MAST2: variants seen among roughly 807,000 people sequenced by gnomAD.
MAST2 encodes the protein microtubule associated serine/threonine kinase 2, also known as microtubule-associated serine/threonine-protein kinase 2.
In MAST2, 70 loss-of-function variants were observed where a neutral mutation model predicts 147.4. The ratio of observed to expected loss-of-function variants is 0.47; its 90% CI spans 0.39 to 0.58. The LOEUF is 0.58. Ranked by LOEUF, MAST2 falls within the 20% of genes least tolerant of loss-of-function variation. The pLI is 0.00. For missense variants in MAST2, 2,080 were observed against 2,302.3 expected, an observed-to-expected ratio of 0.90 and a Z score of 1.98; for synonymous variants, 869 against 896.8, an observed-to-expected ratio of 0.97 and a Z score of 0.55.
At chr1:45,837,717 T>G (rs1307039904) in intron 3 of MAST2, among the ~76,000 whole-genome samples, 1 of 152,244 alleles carries the variant, frequency 6.6e-6, no homozygotes, top group Non-Finnish European at 1.5e-5. Flanking sequence ...TTTTCTAAAG[T>G]GGCTATACCA....
chr1:45,933,883 C>G (rs1343857276), intron 4 of MAST2, among the ~76,000 whole-genome samples: 1 of 150,386 alleles, frequency 6.6e-6, no homozygotes, highest in Non-Finnish European at 1.5e-5. Context: ...TTGTATCCTT[C>G]TACTTTAATG....
chr1:45,845,528 T>A (rs1365311017), intron 3 of MAST2, among the ~76,000 whole-genome samples: 3 of 152,200 alleles, frequency 2.0e-5, no homozygotes, highest in Non-Finnish European at 4.4e-5. Flanking sequence ...TTAAGGATAC[T>A]TGTATTTAAC....
Position 45,932,899 on chromosome 1 carries a change from A to G in MAST2, c.501-26487A>G, listed in dbSNP as rs1380417262. Reference sequence around the variant, plus strand: ...GATATTCCTGGCTGGCTTATTTTGTACCCTCACTAGCCCTTGAGCTTTTTC... The same window carrying G: ...GATATTCCTGGCTGGCTTATTTTGTGCCCTCACTAGCCCTTGAGCTTTTTC... On this transcript the variant is annotated intron_variant, in intron 4 of 28. Transcript: ENST00000361297. Among the ~76,000 whole-genome samples, 3 of 151,832 alleles carry G rather than the reference A, an allele frequency of 2.0e-5. No individual in the cohort carries two copies. The East Asian group carries it at 5.8e-4, about 29-fold the overall frequency.
intron 1 of MAST2, among the ~76,000 whole-genome samples, chr1:45,820,652 A>G (rs1454240543): frequency 6.6e-6 from 1 of 152,138 alleles, no homozygotes; most frequent in African/African-American, 2.4e-5. Flanking sequence ...CAAAAATAGA[A>G]TAATACTGGC....
chr1:45,823,723 C>T (rs1334196960), intron 1 of MAST2, among the ~76,000 whole-genome samples: 2 of 152,122 alleles, frequency 1.3e-5, no homozygotes, highest in African/African-American at 4.8e-5. Flanking sequence ...CCTTCATTGA[C>T]ATATAATAGA....
rs966639828 is a variant in MAST2, at chr1:45,823,367, G to A, written c.178-1066G>A. On this transcript the variant is annotated intron_variant, in intron 1 of 28. Coordinates refer to ENST00000361297, the MANE Select transcript of MAST2 (RefSeq NM_015112.3). Reference sequence around the variant, plus strand: ...TTTTTTTTTTTTGAGACGGAGTCTCGCTCTGTTGCTCAGGCTGGAGTGCAG... The same window carrying A: ...TTTTTTTTTTTTGAGACGGAGTCTCACTCTGTTGCTCAGGCTGGAGTGCAG... Among the ~76,000 whole-genome samples the A allele has an allele frequency of 2.8e-4, 41 of 145,078 alleles. 1 individual carries two copies. The highest frequency in any genetic ancestry group is 3.5e-3 in the Middle Eastern group (1 of 282).
chr1:45,833,147 G>C (rs993960550), intron 3 of MAST2, among the ~76,000 whole-genome samples: 1 of 152,060 alleles, frequency 6.6e-6, no homozygotes, highest in Non-Finnish European at 1.5e-5. Context: ...GTATTTTGTT[G>C]TATGTATATA....
At chr1:46,011,285 T>C (rs1378555244) in intron 10 of MAST2, among the ~76,000 whole-genome samples, 1 of 152,230 alleles carries the variant, frequency 6.6e-6, no homozygotes, top group Non-Finnish European at 1.5e-5. Flanking sequence ...TGACGGGCTT[T>C]CTTCTACTGG....
chr1:45,889,956 G>T (rs1210558745), intron 4 of MAST2, among the ~76,000 whole-genome samples: 1 of 152,090 alleles, frequency 6.6e-6, no homozygotes, highest in Admixed American at 6.5e-5. Context: ...TGTTGGCCAT[G>T]ATGGTCTCAA....
At chr1:45,870,474 T>C (rs1646338719) in intron 3 of MAST2, among the ~76,000 whole-genome samples, 1 of 151,210 alleles carries the variant, frequency 6.6e-6, no homozygotes, top group African/African-American at 2.4e-5. Flanking sequence ...TAAGAGTTTG[T>C]CCATTTTGTT....
At chr1:45,955,103 TACACAAAGC>T (rs1364233967) in intron 4 of MAST2, among the ~76,000 whole-genome samples, 2 of 140,676 alleles carry the variant, frequency 1.4e-5, no homozygotes, top group African/African-American at 5.1e-5. Context: ...AGTGCAGCAG[TACACAAAGC>T]ATACAAAAGC....
chr1:46,018,233 A>ACT (rs1309705472), intron 10 of MAST2, among the ~76,000 whole-genome samples: 3 of 147,988 alleles, frequency 2.0e-5, no homozygotes, highest in Non-Finnish European at 4.5e-5. Flanking sequence ...TCTTTCCTCC[A>ACT]CTCTCTCTCT....
At chr1:45,946,185 T>A (rs1036824616) in intron 4 of MAST2, among the ~76,000 whole-genome samples, 9 of 152,216 alleles carry the variant, frequency 5.9e-5, no homozygotes, top group African/African-American at 1.9e-4. Flanking sequence ...CTAGGGTTTT[T>A]AAATTTTTCT....
chr1:45,846,730 C>G (rs1479711616), intron 3 of MAST2, among the ~76,000 whole-genome samples: 1 of 151,636 alleles, frequency 6.6e-6, no homozygotes, highest in Admixed American at 6.6e-5. Context: ...GAGGCTGAGG[C>G]AGGAGAATTG....
At chr1:45,966,422 T>TAA (rs969914547) in intron 5 of MAST2, among the ~76,000 whole-genome samples, 10 of 123,026 alleles carry the variant, frequency 8.1e-5, no homozygotes, top group Admixed American at 2.4e-4. Flanking sequence ...TTTGATTTTG[T>TAA]AAAAAAAAAA....
intron 5 of MAST2, among the ~76,000 whole-genome samples, chr1:45,961,248 T>G (rs1013887097): frequency 6.6e-6 from 1 of 152,082 alleles, no homozygotes; most frequent in African/African-American, 2.4e-5. Flanking sequence ...CTAAAAAAAT[T>G]GACTGAAATT....
chr1:45,888,936 C>T (rs915095921), intron 4 of MAST2, among the ~76,000 whole-genome samples: 6 of 151,010 alleles, frequency 4.0e-5, no homozygotes, highest in Non-Finnish European at 7.4e-5. Context: ...CTCGGCCTCC[C>T]AAGTGCTGGG....
chr1:45,877,665 G>T (rs1179463638), intron 3 of MAST2, among the ~76,000 whole-genome samples: 1 of 152,134 alleles, frequency 6.6e-6, no homozygotes, highest in African/African-American at 2.4e-5. Flanking sequence ...TCTAGGCCTA[G>T]ATACTTTTAT....
In MAST2 at chr1:46,036,101, T is replaced by A; in HGVS notation, c.*35T>A. 6.5e-7 allele frequency: 1 copy of A among 1,536,656 alleles called. No individual in the cohort carries two copies. The highest frequency in any genetic ancestry group is 8.8e-7 in the Non-Finnish European group (1 of 1,138,746). Reference sequence around the variant, plus strand: ...GCCATTTCTTGCACTCAGACCTGTGTAATATATGCTCCTGGAAACCATCTT... The same window carrying A: ...GCCATTTCTTGCACTCAGACCTGTGAAATATATGCTCCTGGAAACCATCTT... On this transcript the variant is annotated 3_prime_UTR_variant, in exon 29 of 29. Coordinates refer to ENST00000361297, the MANE Select transcript of MAST2 (RefSeq NM_015112.3).
Sources: gnomAD v4.1 joint callset for allele counts (sites outside exome capture counted in the v4.1 genomes callset) on GRCh38, gnomAD v4.1.1 for gene constraint, MANE v1.5 for transcripts, NCBI Gene and HGNC (gene_info 2026-07-23, HGNC 2026-07-21) for gene names.